SYDE2: variants seen among roughly 807,000 people sequenced by gnomAD.
The protein encoded by SYDE2 is synapse defective Rho GTPase homolog 2.
A neutral mutation model predicts 91.5 loss-of-function variants in SYDE2; 76 were observed. That is an observed-to-expected ratio of 0.83 (90% CI 0.69 to 1.01). SYDE2 has a LOEUF of 1.01. Ranked by LOEUF, SYDE2 falls within the 50% of genes least tolerant of loss-of-function variation. SYDE2 has a pLI of 0.00. For missense variants in SYDE2, 1,364 were observed against 1,367.7 expected (o/e 1.00, Z 0.04); for synonymous variants, 513 against 506.4 (o/e 1.01, Z -0.18).
chr1:85,175,114 G>A (rs1657646623), intron 4 of SYDE2, among the ~76,000 whole-genome samples: 1 of 152,148 alleles, frequency 6.6e-6, no homozygotes, highest in East Asian at 1.9e-4. Context: ...TTAGATACAT[G>A]TAATCCTCAT....
In SYDE2 at chr1:85,186,420, G is replaced by A. The variant is rs1450951663; in HGVS notation, c.1442-3220C>T. 2.0e-5 allele frequency among the ~76,000 whole-genome samples: 3 copies of A among 151,952 alleles called. No homozygotes were observed. In the East Asian group the frequency reaches 5.8e-4, roughly 29 times the overall value. On this transcript the variant is annotated intron_variant, in intron 2 of 6. Coordinates refer to ENST00000341460, the MANE Select transcript of SYDE2 (RefSeq NM_032184.2). ...GGTAGAATCTGGCTGTGAATCCATC[G>A]TGAAAATGGCCATACTGCCCAAGGT...
At chr1:85,161,464 G>A (rs1215786473) in intron 6 of SYDE2, among the ~76,000 whole-genome samples, 3 of 152,028 alleles carry the variant, frequency 2.0e-5, no homozygotes, top group African/African-American at 7.2e-5. Context: ...GGTGGCTCAC[G>A]CCTGTAATCC....
At chr1:85,189,461 C>G (rs1474167965) in intron 2 of SYDE2, among the ~76,000 whole-genome samples, 3 of 152,128 alleles carry the variant, frequency 2.0e-5, no homozygotes, top group African/African-American at 7.2e-5. Flanking sequence ...TCTTCAACTC[C>G]CTATGATTTC....
At chr1:85,197,468 C>A (rs1658631590) in intron 1 of SYDE2, among the ~76,000 whole-genome samples, 1 of 152,014 alleles carries the variant, frequency 6.6e-6, no homozygotes, top group Admixed American at 6.5e-5. Context: ...GTGCTATAAA[C>A]CTTTTAGGAT....
At chr1:85,163,473 ATATATAT>A (rs1278908156) in intron 6 of SYDE2, among the ~76,000 whole-genome samples, 6 of 140,548 alleles carry the variant, frequency 4.3e-5, no homozygotes, top group African/African-American at 1.6e-4. Context: ...ATATATATAT[ATATATAT>A]AACAAAAGAG....
In SYDE2 at chr1:85,164,617, G is replaced by C; in HGVS notation, c.2994C>G (p.Asn998Lys). 8 of 1,606,762 alleles carry C rather than the reference G, an allele frequency of 5.0e-6. No homozygotes were observed. The highest frequency in any genetic ancestry group is 6.8e-6 in the Non-Finnish European group (8 of 1,176,342). ...GTTCTTCTGAATCAGTAAAGACTCTGTTGTTATGGGTGGAAGGCTCTTGCC... is the reference window on the plus strand; with the variant it reads ...GTTCTTCTGAATCAGTAAAGACTCTCTTGTTATGGGTGGAAGGCTCTTGCC... ...SQRQEPSTHN[N>K]RVFTDSEELA... is the part of the protein sequence containing the mutation. The change falls in exon 6 of 7, where the codon AAC becomes AAG. Residue 998 changes from asparagine (N) to lysine (K), a missense_variant. Transcript: ENST00000341460.
intron 2 of SYDE2, among the ~76,000 whole-genome samples, chr1:85,189,460 C>T (rs996084070): frequency 3.3e-5 from 5 of 152,152 alleles, no homozygotes; most frequent in Non-Finnish European, 5.9e-5. Context: ...TTCTTCAACT[C>T]CCTATGATTT....
chr1:85,171,199 G>A (rs1035697611), intron 4 of SYDE2, among the ~76,000 whole-genome samples: 6 of 152,084 alleles, frequency 3.9e-5, no homozygotes, highest in Non-Finnish European at 8.8e-5. Context: ...GATGACTGGA[G>A]ACACAGATTT....
intron 1 of SYDE2, among the ~76,000 whole-genome samples, chr1:85,191,834 A>G (rs1658382819): frequency 6.6e-6 from 1 of 152,196 alleles, no homozygotes; most frequent in Admixed American, 6.5e-5. Flanking sequence ...AATATAAGTA[A>G]GACTCTACAA....
In SYDE2 at chr1:85,168,942, A is replaced by G. The variant is rs1473638749; in HGVS notation, c.2853+102T>C. Reference sequence around the variant, plus strand: ...TAATGGCAGAGCTTTTAAATCCATGAGTGCCACAAATGTCAAATATCTAAA... The same window carrying G: ...TAATGGCAGAGCTTTTAAATCCATGGGTGCCACAAATGTCAAATATCTAAA... On this transcript the variant is annotated intron_variant, in intron 5 of 6. Coordinates refer to ENST00000341460, the MANE Select transcript of SYDE2 (RefSeq NM_032184.2). 2.7e-5 allele frequency: 28 copies of G among 1,039,894 alleles called. No individual in the cohort carries two copies. In the South Asian group the frequency reaches 3.7e-4, roughly 14 times the overall value. The allele number at this position is 1,039,894 out of a possible 1,614,324, so 64.4% of individuals were successfully genotyped here.
chr1:85,191,844 A>C (rs1037697838), intron 1 of SYDE2, among the ~76,000 whole-genome samples: 1 of 152,204 alleles, frequency 6.6e-6, no homozygotes, highest in African/African-American at 2.4e-5. Context: ...AGACTCTACA[A>C]ATGTATACAT....
Position 85,178,215 on chromosome 1 carries a change from C to G in SYDE2, c.2602G>C (p.Ala868Pro), listed in dbSNP as rs774383318. The G allele has an allele frequency of 3.8e-6, 6 of 1,585,852 alleles. No homozygotes were observed. The highest frequency in any genetic ancestry group is 1.8e-5 in the Admixed American group (1 of 55,980). ...SAAVKKELRE[A>P]FERDSKAVGL... ...ACAGCTTTGCTATCTCTCTCAAAAG[C>G]CTCTCGCAGTTCTTTCTTGACTGCT... Residue 868 changes from alanine to proline, a missense_variant, in exon 4 of 7, where the codon GCT (alanine) becomes CCT (proline). Transcript: ENST00000341460.
At chr1:85,160,653 C>G (rs1202702212) in intron 6 of SYDE2, 3 of 985,280 alleles carry the variant, frequency 3.0e-6, no homozygotes, top group Non-Finnish European at 3.6e-6. Flanking sequence ...TATCTCCTTG[C>G]TTTTCCCCCC....
chr1:85,169,209 A>G lies in SYDE2; in HGVS notation c.2688T>C (p.Tyr896=), dbSNP rs61752463. 0.026 allele frequency: 41,326 copies of G among 1,612,420 alleles called. 1,548 individuals carry two copies. The highest frequency in any genetic ancestry group is 0.18 in the African/African-American group (13,253 of 74,558). Residue 896 remains tyrosine, a synonymous_variant, in exon 5 of 7, where the codon TAT becomes TAC. Coordinates refer to ENST00000341460, the MANE Select transcript of SYDE2 (RefSeq NM_032184.2). ...TCAGAGGAGAAGGGAGTTCTCTTAA[A>G]TAATCCTTAAGAACACCTTTAAAAA... ...INVITGVLKD[Y]LRELPSPLIT...
chr1:85,182,047 C>A, intron 3 of SYDE2, 51 bp downstream of exon 3: 1 of 1,488,042 alleles, frequency 6.7e-7, no homozygotes. Context: ...CCAAGACTTA[C>A]AATTAATCAA....
chr1:85,190,337 C>T lies in SYDE2; in HGVS notation c.1161G>A (p.Leu387=). Residue 387 remains leucine (L), a synonymous_variant, in exon 2 of 7, where the codon TTG becomes TTA. Transcript: ENST00000341460. ...EDDDLGISSA[L]SFGEADSAVL... ...CAGCAGAGTCGGCCTCACCAAAACT[C>T]AAGGCACTTGATATACCAAGGTCAT... 1 of 1,613,918 alleles carries T rather than the reference C, an allele frequency of 6.2e-7. No individual in the cohort carries two copies. The highest frequency in any genetic ancestry group is 2.2e-5 in the East Asian group (1 of 44,890).
In SYDE2 at chr1:85,183,114, T is replaced by C. The variant is rs994516532; in HGVS notation, c.1528A>G (p.Ser510Gly). 6 of 1,613,402 alleles carry C rather than the reference T, an allele frequency of 3.7e-6. No homozygotes were observed. Among genetic ancestry groups the C allele is most frequent in the Non-Finnish European group, 5.1e-6 (6 of 1,179,710 alleles). Reference protein sequence around the residue: ...SPNPSPVKKGSSINWSLPDKI... With the variant: ...SPNPSPVKKGGSINWSLPDKI... ...TCTGGCAATGACCAATTAATTGAAC[T>C]GCCTTTTTTCACAGGGCTAGGATTT... is the stretch of plus-strand genomic sequence containing the variant. Residue 510 changes from serine (S) to glycine (G), a missense_variant, in exon 3 of 7, where the codon AGT (serine) becomes GGT (glycine). Transcript: ENST00000341460.
Position 85,182,354 on chromosome 1 carries a change from G to T in SYDE2, c.2288C>A (p.Thr763Asn), listed in dbSNP as rs61752505. ...PRKNRVCCHG[T>N]VVLPTLFRVT... ...TCTAAATAAGGTGGGAAGAACAACA[G>T]TTCCATGACAACAAACTCGATTTTT... Residue 763 changes from threonine (T) to asparagine (N), a missense_variant, in exon 3 of 7, where the codon ACT becomes AAT. Physicochemically the swap from Thr to Asn is moderately conservative, Grantham distance 65. Transcript: ENST00000341460. 7.4e-5 allele frequency: 119 copies of T among 1,613,780 alleles called. No homozygotes were observed. Among genetic ancestry groups the T allele is most frequent in the Non-Finnish European group, 8.9e-5 (105 of 1,179,848 alleles).
intron 3 of SYDE2, among the ~76,000 whole-genome samples, chr1:85,179,348 T>C (rs1424855424): frequency 6.6e-6 from 1 of 152,182 alleles, no homozygotes; most frequent in Non-Finnish European, 1.5e-5. Flanking sequence ...ATGATACTAA[T>C]CTCTTCTGAC....
Sources: gnomAD v4.1 joint callset for allele counts (sites outside exome capture counted in the v4.1 genomes callset) on GRCh38, gnomAD v4.1.1 for gene constraint, MANE v1.5 for transcripts, NCBI Gene and HGNC (gene_info 2026-07-23, HGNC 2026-07-21) for gene names.